SCNN1B: variants seen among roughly 807,000 people sequenced by gnomAD.
SCNN1B encodes sodium channel epithelial 1 subunit beta.
Under a neutral mutation model 65.3 loss-of-function variants are expected in SCNN1B, and 46 were observed. The observed-to-expected ratio is 0.70, with a 90% CI of 0.56 to 0.90. SCNN1B has a LOEUF of 0.90. SCNN1B is among the 40% of genes least tolerant of loss of function. The pLI is 0.00. For missense variants in SCNN1B, 751 were observed against 830.5 expected, an observed-to-expected ratio of 0.90 and a Z score of 1.18; for synonymous variants, 349 against 330.6, an observed-to-expected ratio of 1.06 and a Z score of -0.60.
At chr16:23,298,873 A>G (rs80002045), upstream of SCNN1B, among the ~76,000 whole-genome samples, 226 of 152,230 alleles carry the variant, frequency 1.5e-3, no homozygotes, top group African/African-American at 5.2e-3. Flanking sequence ...CTCTCCAACA[A>G]TGGAAATCAT....
At chr16:23,365,591 A>G (rs202198496) in intron 4 of SCNN1B, among the ~76,000 whole-genome samples, 106 of 34,512 alleles carry the variant, frequency 3.1e-3, no homozygotes, top group East Asian at 0.012. Context: ...AAGAAAGAGA[A>G]AGAAAGAAAG....
At chr16:23,322,117 C>A (rs991037475) in intron 1 of SCNN1B, among the ~76,000 whole-genome samples, 1 of 152,130 alleles carries the variant, frequency 6.6e-6, no homozygotes, top group Non-Finnish European at 1.5e-5. Context: ...CTTCCAGATA[C>A]AACAGTTTTT....
chr16:23,316,923 C>A (rs1186378720), intron 1 of SCNN1B, among the ~76,000 whole-genome samples: 2 of 152,108 alleles, frequency 1.3e-5, no homozygotes, highest in Non-Finnish European at 2.9e-5. Context: ...ATCACCATCA[C>A]CATCACCATT....
intron 1 of SCNN1B, among the ~76,000 whole-genome samples, chr16:23,281,266 CTACTAA>C (rs1960780043): frequency 6.6e-6 from 1 of 152,136 alleles, no homozygotes; most frequent in Non-Finnish European, 1.5e-5. Flanking sequence ...AACCCCATCT[CTACTAA>C]AAATAGGAAA....
intron 1 of SCNN1B, among the ~76,000 whole-genome samples, chr16:23,315,001 AGGAAAT>A: frequency 6.6e-6 from 1 of 152,200 alleles, no homozygotes; most frequent in Non-Finnish European, 1.5e-5. Context: ...AGAGGTTGGC[AGGAAAT>A]GGAGACAGAG....
chr16:23,374,059 C>T (rs1159354076), intron 7 of SCNN1B, among the ~76,000 whole-genome samples: 2 of 152,044 alleles, frequency 1.3e-5, no homozygotes, highest in African/African-American at 2.4e-5. Flanking sequence ...CATCACAGGG[C>T]CTGGAAGGAC....
At chr16:23,352,079 T>A (rs1346959632) in intron 2 of SCNN1B, among the ~76,000 whole-genome samples, 3 of 152,226 alleles carry the variant, frequency 2.0e-5, no homozygotes, top group Non-Finnish European at 4.4e-5. Flanking sequence ...ACCTGGCACA[T>A]GGTAAGCTAT....
intron 10 of SCNN1B, 29 bp downstream of exon 10, chr16:23,377,415 C>G: frequency 6.2e-7 from 1 of 1,612,130 alleles, no homozygotes; most frequent in Non-Finnish European, 8.5e-7. Flanking sequence ...AAGCTCCTGG[C>G]TCCCACCTTT....
chr16:23,366,467 C>T (rs368690528), intron 4 of SCNN1B, among the ~76,000 whole-genome samples: 1 of 151,982 alleles, frequency 6.6e-6, no homozygotes, highest in African/African-American at 2.4e-5. Flanking sequence ...GGTGCAGTGG[C>T]TCACGCCTGT....
At chr16:23,374,740 AC>A (rs1241194482) in intron 7 of SCNN1B, among the ~76,000 whole-genome samples, 1 of 151,874 alleles carries the variant, frequency 6.6e-6, no homozygotes, top group Non-Finnish European at 1.5e-5. Context: ...GGGACCTGAG[AC>A]GGAGCCCGGG....
chr16:23,313,671 G>T (rs1160015782), intron 1 of SCNN1B, among the ~76,000 whole-genome samples: 1 of 152,230 alleles, frequency 6.6e-6, no homozygotes, highest in Non-Finnish European at 1.5e-5. Flanking sequence ...GAGTGCAGTG[G>T]CACGATCTCG....
chr16:23,283,449 G>A (rs894632025), intron 1 of SCNN1B, among the ~76,000 whole-genome samples: 3 of 152,154 alleles, frequency 2.0e-5, no homozygotes, highest in African/African-American at 4.8e-5. Context: ...CTACAATTGG[G>A]CAAAATCATC....
At chr16:23,361,723 G>C (rs1238553233) in intron 4 of SCNN1B, among the ~76,000 whole-genome samples, 1 of 152,136 alleles carries the variant, frequency 6.6e-6, no homozygotes, top group Non-Finnish European at 1.5e-5. Context: ...TGGCACTACA[G>C]GATGCCCCCG....
chr16:23,304,106 G>A, intron 1 of SCNN1B: 1 of 1,534,384 alleles, frequency 6.5e-7, no homozygotes, highest in Non-Finnish European at 8.7e-7. Flanking sequence ...TTTCAGGTTG[G>A]TTTTTATTTC....
In SCNN1B at chr16:23,380,094, G is replaced by C. The variant is rs768836726; in HGVS notation, c.1467G>C (p.Arg489Ser). 1.9e-6 allele frequency: 3 copies of C among 1,613,758 alleles called. No homozygotes were observed. In the South Asian group the frequency reaches 3.3e-5, roughly 18 times the overall value. Reference sequence around the variant, plus strand: ...CGGCCCTTCTCGCTGCCTCCTGCAGGAAGGGAATTGTCAAGCTCAACATCT... The same window carrying C: ...CGGCCCTTCTCGCTGCCTCCTGCAGCAAGGGAATTGTCAAGCTCAACATCT... ...RDQSTNITLS[R>S]KGIVKLNIYF... Residue 489 changes from arginine (R) to serine (S), a missense_variant and splice_region_variant, in exon 12 of 13, where the codon AGG (arginine) becomes AGC (serine). Arg to Ser is a moderately radical substitution (Grantham distance 110). Coordinates refer to ENST00000343070, the MANE Select transcript of SCNN1B (RefSeq NM_000336.3). The surrounding 1 kb of genome is among the most constrained non-coding windows in gnomAD (Gnocchi z 5.4).
intron 1 of SCNN1B, among the ~76,000 whole-genome samples, chr16:23,346,827 C>T (rs1962201080): frequency 6.6e-6 from 1 of 151,990 alleles, no homozygotes; most frequent in African/African-American, 2.4e-5. Flanking sequence ...ATAAAAATCG[C>T]TGACACTTAG....
chr16:23,305,372 G>C (rs1212691255), intron 1 of SCNN1B, among the ~76,000 whole-genome samples: 5 of 150,692 alleles, frequency 3.3e-5, no homozygotes, highest in Non-Finnish European at 7.4e-5. Flanking sequence ...GCTGGCAATG[G>C]CCAGGCATGG....
chr16:23,350,277 C>A lies in SCNN1B; in HGVS notation c.311+1367C>A, dbSNP rs1224602506. ...AAGTAAGTGAGCTTGCCTGGAGATG[C>A]ACAGTGGAAGACTGTGGGATTTGAA... On this transcript the variant is annotated intron_variant, in intron 2 of 12. Transcript: ENST00000343070. Among the ~76,000 whole-genome samples, 3 of 152,208 alleles carry A rather than the reference C, an allele frequency of 2.0e-5. No homozygotes were observed. The East Asian group carries it at 5.8e-4, about 29-fold the overall frequency.
chr16:23,365,308 G>A (rs72774372), intron 4 of SCNN1B, among the ~76,000 whole-genome samples: 6,249 of 146,758 alleles, frequency 0.043, 206 homozygotes, highest in Admixed American at 0.084. Flanking sequence ...GAGAAAGAGA[G>A]AAAAAGAGAG....
Sources: gnomAD v4.1 joint callset for allele counts (sites outside exome capture counted in the v4.1 genomes callset) on GRCh38, gnomAD v4.1.1 for gene constraint, Gnocchi (gnomAD v3.1) non-coding constraint, MANE v1.5 for transcripts, NCBI Gene and HGNC (gene_info 2026-07-23, HGNC 2026-07-21) for gene names.